The following CD5 variants were observed in gnomAD, a reference collection of about 807,000 sequenced individuals.
The protein encoded by CD5 is CD5 molecule.
A neutral mutation model predicts 60.3 loss-of-function variants in CD5; 36 were observed. That is an observed-to-expected ratio of 0.60 (90% CI 0.46 to 0.79). The LOEUF is 0.79. CD5 is among the 30% of genes least tolerant of loss of function. CD5 has a pLI of 0.00. For missense variants in CD5, 540 were observed against 630.6 expected (o/e 0.86, Z 1.54); for synonymous variants, 230 against 257.6 (o/e 0.89, Z 1.03).
rs956753998 is a variant in CD5, at chr11:61,102,567, A to G, written c.7A>G (p.Met3Val). 1 of 1,586,822 alleles carries G rather than the reference A, an allele frequency of 6.3e-7. No individual in the cohort carries two copies. The highest frequency in any genetic ancestry group is 8.6e-7 in the Non-Finnish European group (1 of 1,165,862). Residue 3 changes from methionine (M) to valine (V), a missense_variant, in exon 1 of 11, where the codon ATG becomes GTG. Met to Val is a conservative substitution (Grantham distance 21). Coordinates refer to ENST00000347785, the MANE Select transcript of CD5 (RefSeq NM_014207.4). ...CAAGAGAAGGCCAGAAACCATGCCC[A>G]TGGGGTCTCTGCAACCGCTGGCCAC... Reference protein sequence around the residue: MPMGSLQPLATLY... With the variant: MPVGSLQPLATLY...
intron 2 of CD5, among the ~76,000 whole-genome samples, chr11:61,116,494 ACACCAC>A (rs371175867): frequency 7.9e-5 from 10 of 126,722 alleles, no homozygotes; most frequent in African/African-American, 2.5e-4. Context: ...CACCCCACAC[ACACCAC>A]CACACCACAC....
In CD5 at chr11:61,125,199, G is replaced by A. The variant is rs371271259; in HGVS notation, c.1399+48G>A. ...AGGCACGCAGGCAGGGCTGCAGCAGGCCGCCAAGGCAGGTCACGTGATGCC... is the reference window on the plus strand; with the variant it reads ...AGGCACGCAGGCAGGGCTGCAGCAGACCGCCAAGGCAGGTCACGTGATGCC... On this transcript the variant is annotated intron_variant, in intron 9 of 10. Coordinates refer to ENST00000347785, the MANE Select transcript of CD5 (RefSeq NM_014207.4). 2.5e-6 allele frequency: 4 copies of A among 1,610,222 alleles called. No homozygotes were observed. In the African/African-American group the frequency reaches 4.0e-5, roughly 16 times the overall value.
chr11:61,116,850 C>G (rs1860972936), intron 2 of CD5, among the ~76,000 whole-genome samples: 1 of 150,514 alleles, frequency 6.6e-6, no homozygotes, highest in African/African-American at 2.4e-5. Context: ...CACACCACCA[C>G]ACACACATCA....
At chr11:61,114,411 C>A (rs1373084433) in intron 1 of CD5, among the ~76,000 whole-genome samples, 1 of 152,154 alleles carries the variant, frequency 6.6e-6, no homozygotes, top group Non-Finnish European at 1.5e-5. Flanking sequence ...CCAGCCTGGA[C>A]AACATAGTGA....
intron 1 of CD5, among the ~76,000 whole-genome samples, chr11:61,106,238 G>A (rs1280327974): frequency 6.6e-6 from 1 of 152,158 alleles, no homozygotes; most frequent in Admixed American, 6.5e-5. Flanking sequence ...TAGGATAGGA[G>A]GACATCCCTT....
At position 61,125,827 on chromosome 11, in the gene CD5, T is replaced by C; in HGVS notation, c.1476T>C (p.Ala492=). The change falls in exon 10 of 11, where the codon GCT becomes GCC. Residue 492 remains alanine, a synonymous_variant. Transcript: ENST00000347785. ...SSDSDYDLHG[A]QRL Reference sequence around the variant, plus strand: ...ACAGTGACTATGATCTGCATGGGGCTCAGAGGCTGTAAAGGTGAGCCCGTC... The same window carrying C: ...ACAGTGACTATGATCTGCATGGGGCCCAGAGGCTGTAAAGGTGAGCCCGTC... 1 of 1,609,024 alleles carries C rather than the reference T, an allele frequency of 6.2e-7. No homozygotes were observed. The highest frequency in any genetic ancestry group is 1.1e-5 in the South Asian group (1 of 90,494).
At position 61,119,300 on chromosome 11, in the gene CD5, A is replaced by G; in HGVS notation, c.530A>G (p.Tyr177Cys). ...CACTGTGCCGGCGTGGTGGAGTTCT[A>G]CAGCGGCAGCCTGGGGGGTACCATC... Reference protein sequence around the residue: ...GQHCAGVVEFYSGSLGGTISY... With the variant: ...GQHCAGVVEFCSGSLGGTISY... Residue 177 changes from tyrosine to cysteine, a missense_variant, in exon 5 of 11, where the codon TAC (tyrosine) becomes TGC (cysteine). Transcript: ENST00000347785. The G allele has an allele frequency of 1.2e-6, 2 of 1,613,784 alleles. No individual in the cohort carries two copies. The highest frequency in any genetic ancestry group is 1.7e-6 in the Non-Finnish European group (2 of 1,180,010).
the CD5 span, among the ~76,000 whole-genome samples, chr11:61,096,731 T>C: frequency 1.3e-5 from 2 of 152,144 alleles, no homozygotes; most frequent in African/African-American, 4.8e-5. Flanking sequence ...AATGAAGACT[T>C]TTTCTAACCA....
intron 1 of CD5, among the ~76,000 whole-genome samples, chr11:61,104,681 T>C (rs1433125401): frequency 6.6e-6 from 1 of 152,204 alleles, no homozygotes; most frequent in Non-Finnish European, 1.5e-5. Flanking sequence ...AGCATTCCCT[T>C]TGTTCAGTGG....
rs772108327 is a variant in CD5 at position 61,119,573 on chromosome 11, C to T, written c.803C>T (p.Ser268Leu). The T allele has an allele frequency of 1.4e-5, 22 of 1,603,828 alleles. No individual in the cohort carries two copies. The highest frequency in any genetic ancestry group is 1.3e-4 in the South Asian group (12 of 89,986). The change falls in exon 5 of 11, where the codon TCA becomes TTA. Residue 268 changes from serine (S) to leucine (L), a missense_variant and splice_region_variant. Ser to Leu is a moderately radical substitution (Grantham distance 145). Transcript: ENST00000347785. ...GGCCGAGTTCTTGCCCTCCTTTGCTCAGGTAAGTGAGACCTGGCCAAGCCC... is the reference window on the plus strand; with the variant it reads ...GGCCGAGTTCTTGCCCTCCTTTGCTTAGGTAAGTGAGACCTGGCCAAGCCC... ...KSGRVLALLC[S>L]GFQPKVQSRL...
At chr11:61,112,983 A>G (rs1860880375) in intron 1 of CD5, among the ~76,000 whole-genome samples, 1 of 152,236 alleles carries the variant, frequency 6.6e-6, no homozygotes. Context: ...TATGTTGTCC[A>G]GGCTGGACTC....
At chr11:61,102,440 T>TCCCCCCCCCCCCCGAGCCC, upstream of CD5, 1 of 507,684 alleles carries the variant, frequency 2.0e-6, no homozygotes, top group South Asian at 1.9e-5. Context: ...CTGCTCCCCG[T>TCCCCCCCCCCCCCGAGCCC]CCCACCCCTC....
intron 2 of CD5, 52 bp downstream of exon 2, chr11:61,115,146 G>A (rs551367361): frequency 1.3e-6 from 2 of 1,511,802 alleles, no homozygotes; most frequent in East Asian, 2.5e-5. Context: ...GAGTGGGGCT[G>A]TGGTTTCATC....
the CD5 span, among the ~76,000 whole-genome samples, chr11:61,095,381 T>A: frequency 1.1e-4 from 17 of 152,154 alleles, no homozygotes; most frequent in Non-Finnish European, 2.1e-4. Context: ...CCTTTGTGTA[T>A]CAACCTTTTA....
chr11:61,109,018 C>T (rs554876319), intron 1 of CD5, among the ~76,000 whole-genome samples: 2 of 152,300 alleles, frequency 1.3e-5, no homozygotes, highest in South Asian at 4.1e-4. Flanking sequence ...GGCGGCAGGA[C>T]CTAGGAGTGA....
chr11:61,125,823 G>C lies in CD5; in HGVS notation c.1472G>C (p.Gly491Ala), dbSNP rs998408941. The C allele has an allele frequency of 6.2e-7, 1 of 1,610,418 alleles. No homozygotes were observed. Among genetic ancestry groups the C allele is most frequent in the African/African-American group, 1.3e-5 (1 of 74,862 alleles). ...TCCGACAGTGACTATGATCTGCATG[G>C]GGCTCAGAGGCTGTAAAGGTGAGCC... ...NSSDSDYDLH[G>A]AQRL Residue 491 changes from glycine (G) to alanine (A), a missense_variant, in exon 10 of 11, where the codon GGG becomes GCG. Physicochemically the swap from Gly to Ala is moderately conservative, Grantham distance 60. Coordinates refer to ENST00000347785, the MANE Select transcript of CD5 (RefSeq NM_014207.4).
At chr11:61,110,535 T>A (rs760416189) in intron 1 of CD5, among the ~76,000 whole-genome samples, 3 of 152,236 alleles carry the variant, frequency 2.0e-5, no homozygotes, top group Non-Finnish European at 4.4e-5. Flanking sequence ...ACAAGTTCAT[T>A]CCCTTTGATC....
Position 61,125,058 on chromosome 11 carries a change from AC to A in CD5, c.1308del (p.Val437SerfsTer179). ...GTCTTTCCATCGCAACCACACGGCAACCGTCCGATCCCATGCTGAGAACCCC... is the reference window on the plus strand; with the variant it reads ...GTCTTTCCATCGCAACCACACGGCAACGTCCGATCCCATGCTGAGAACCCC... ...NMSFHRNHTA[T>X]VRSHAENPTA... On this transcript the variant is annotated frameshift_variant, in exon 9 of 11. Transcript: ENST00000347785. LOFTEE classifies it high-confidence loss of function. 6.2e-7 allele frequency: 1 copy of A among 1,614,090 alleles called. No individual in the cohort carries two copies. The highest frequency in any genetic ancestry group is 8.5e-7 in the Non-Finnish European group (1 of 1,180,000).
upstream of CD5, among the ~76,000 whole-genome samples, chr11:61,099,478 T>TCA (rs71043745): frequency 1.4e-4 from 15 of 105,518 alleles, no homozygotes; most frequent in East Asian, 8.5e-4. Context: ...AACATGGAGA[T>TCA]CACACACACA....
Sources: allele counts gnomAD v4.1 joint callset (sites outside exome capture counted in the v4.1 genomes callset), GRCh38; gene constraint gnomAD v4.1.1; transcripts MANE v1.5; gene names NCBI Gene and HGNC (gene_info 2026-07-23, HGNC 2026-07-21).